The following SLC23A1 variants were observed in gnomAD, a reference collection of about 807,000 sequenced individuals.
The protein encoded by SLC23A1 is Na(+)/L-ascorbic acid transporter 1.
A neutral mutation model predicts 62.5 loss-of-function variants in SLC23A1; 31 were observed. The observed-to-expected ratio is 0.50, with a 90% CI of 0.37 to 0.67. SLC23A1 has a LOEUF of 0.67. Among genes scored for constraint, SLC23A1 ranks in the 30% least tolerant of loss-of-function variants. The pLI is 0.00. For synonymous variants in SLC23A1, 271 were observed against 313.2 expected (o/e 0.87, Z 1.42); for missense variants, 640 against 782.7 (o/e 0.82, Z 2.18).
In SLC23A1 at chr5:139,374,973, G is replaced by A. The variant is rs544457938; in HGVS notation, c.1549+2429C>T. On this transcript the variant is annotated intron_variant, in intron 13 of 14. Transcript: ENST00000348729. Reference sequence around the variant, plus strand: ...ATGTTCAAATAGCCACCCATCCATCGAAGGGACAGCTGCTACCAAGAGCAC... The same window carrying A: ...ATGTTCAAATAGCCACCCATCCATCAAAGGGACAGCTGCTACCAAGAGCAC... Among the ~76,000 whole-genome samples, 17 of 152,250 alleles carry A rather than the reference G, an allele frequency of 1.1e-4. No homozygotes were observed. The East Asian group carries it at 1.4e-3, about 12-fold the overall frequency.
intron 3 of SLC23A1, among the ~76,000 whole-genome samples, chr5:139,381,614 C>CAAAAAA (rs904456829): frequency 1.8e-5 from 1 of 55,700 alleles, no homozygotes; most frequent in Non-Finnish European, 3.4e-5. Flanking sequence ...ACTCCGTCTC[C>CAAAAAA]AAAAAAAAAA....
At chr5:139,383,337 A>G (rs1175394347), upstream of SLC23A1, 35 of 1,565,540 alleles carry the variant, frequency 2.2e-5, no homozygotes, top group Admixed American at 9.3e-5. Context: ...TACTCCACAT[A>G]TCAGGCATTG....
chr5:139,376,472 T>G (rs1396433090), intron 13 of SLC23A1, among the ~76,000 whole-genome samples: 1 of 152,208 alleles, frequency 6.6e-6, no homozygotes, highest in African/African-American at 2.4e-5. Flanking sequence ...TCGGCCGTGA[T>G]GTTTTAATTT....
upstream of SLC23A1, among the ~76,000 whole-genome samples, chr5:139,385,582 A>G (rs1374693085): frequency 3.3e-5 from 5 of 152,260 alleles, no homozygotes; most frequent in South Asian, 2.1e-4. Flanking sequence ...CTCTTTTCTC[A>G]TGAAGGCTCT....
chr5:139,368,341 TAAA>T (rs542780440), intron 14 of SLC23A1, among the ~76,000 whole-genome samples: 1 of 141,300 alleles, frequency 7.1e-6, no homozygotes, highest in African/African-American at 2.6e-5. Flanking sequence ...CTCCGTCTCA[TAAA>T]AAAAAAACTA....
intron 14 of SLC23A1, chr5:139,369,681 C>A (rs890632324): frequency 6.6e-6 from 1 of 152,430 alleles, no homozygotes; most frequent in African/African-American, 2.4e-5. Context: ...TATATTTTTT[C>A]AAAAATATTT....
At chr5:139,371,295 T>C (rs1360639828) in intron 14 of SLC23A1, among the ~76,000 whole-genome samples, 1 of 152,232 alleles carries the variant, frequency 6.6e-6, no homozygotes, top group Non-Finnish European at 1.5e-5. Context: ...TAAGGAGTCA[T>C]CTAGGCTAAC....
At chr5:139,381,360 G>A (rs972157737) in intron 3 of SLC23A1, among the ~76,000 whole-genome samples, 17 of 152,314 alleles carry the variant, frequency 1.1e-4, no homozygotes, top group African/African-American at 3.6e-4. Context: ...TGGGGTTTAA[G>A]AGGGGAGAGC....
chr5:139,373,099 T>G (rs2152064781), intron 13 of SLC23A1, among the ~76,000 whole-genome samples: 1 of 152,288 alleles, frequency 6.6e-6, no homozygotes, highest in Non-Finnish European at 1.5e-5. Context: ...TAATACAAAC[T>G]TCAGAAAGTC....
intron 4 of SLC23A1, 57 bp downstream of exon 4, chr5:139,380,741 C>A (rs953382531): frequency 5.5e-6 from 8 of 1,462,054 alleles, no homozygotes; most frequent in Non-Finnish European, 4.8e-6. Flanking sequence ...GTTGCTCAGA[C>A]CTCCAGGTCT....
rs367976439 is a variant in SLC23A1, at chr5:139,377,379, C to T, written c.1549+23G>A. ...CATGAGTCCAGCCTAGTTCTTCATT[C>T]CCCTCCCAGGACCGAACCATACCTG... On this transcript the variant is annotated intron_variant, in intron 13 of 14. Coordinates refer to ENST00000348729, the MANE Select transcript of SLC23A1 (RefSeq NM_005847.5). 3.7e-5 allele frequency: 50 copies of T among 1,350,180 alleles called. No homozygotes were observed. The Middle Eastern group carries it at 5.4e-4, about 15-fold the overall frequency. The allele number at this position is 1,350,180 out of a possible 1,614,324, so 83.6% of individuals were successfully genotyped here.
intron 13 of SLC23A1, among the ~76,000 whole-genome samples, chr5:139,377,061 G>C (rs925146068): frequency 6.6e-6 from 1 of 152,028 alleles, no homozygotes; most frequent in Non-Finnish European, 1.5e-5. Flanking sequence ...GGAGGTTGCA[G>C]TGAGCTGAGA....
intron 14 of SLC23A1, chr5:139,368,672 G>C (rs1757454969): frequency 8.0e-6 from 9 of 1,123,464 alleles, no homozygotes; most frequent in Non-Finnish European, 8.1e-6. Context: ...TGAGGATCTA[G>C]ATTGAATTAG....
At chr5:139,368,447 T>A (rs961447762) in intron 14 of SLC23A1, among the ~76,000 whole-genome samples, 8 of 152,194 alleles carry the variant, frequency 5.3e-5, no homozygotes, top group Admixed American at 3.9e-4. Context: ...GAGAATCGCT[T>A]GAACCCAGGT....
At chr5:139,384,473 C>T, upstream of SLC23A1, 6 of 1,289,890 alleles carry the variant, frequency 4.7e-6, no homozygotes, top group South Asian at 7.4e-5. Flanking sequence ...CTGCCGGTGT[C>T]CACACTGTTC....
Position 139,378,098 on chromosome 5 carries a change from G to C in SLC23A1, c.1330C>G (p.Leu444Val), listed in dbSNP as rs779869441. 6.2e-7 allele frequency: 1 copy of C among 1,614,104 alleles called. No homozygotes were observed. The highest frequency in any genetic ancestry group is 1.3e-5 in the African/African-American group (1 of 74,960). Residue 444 changes from leucine to valine, a missense_variant, in exon 12 of 15, where the codon CTG becomes GTG. Leu to Val is a conservative substitution (Grantham distance 32). Coordinates refer to ENST00000348729, the MANE Select transcript of SLC23A1 (RefSeq NM_005847.5). The surrounding 1 kb of genome is among the most constrained non-coding windows in gnomAD (Gnocchi z 4.5). ...TLFGMITAVGLSNLQFVDMNS... is the reference protein window; with the variant it reads ...TLFGMITAVGVSNLQFVDMNS... ...ATGTCCACAAATTGCAGGTTGGACA[G>C]CCCCACAGCTGTAATCATGCCTAAG...
In SLC23A1 at chr5:139,378,703, TC is replaced by T; in HGVS notation, c.1074-20del. ...GATGCCCCTGTAAGGAAAGGGAGAG[TC>T]GGGGCTTGGTCCAGCCTCTGCACCA... On this transcript the variant is annotated intron_variant, in intron 9 of 14. Coordinates refer to ENST00000348729, the MANE Select transcript of SLC23A1 (RefSeq NM_005847.5). This position sits in a 1 kb window ranked among gnomAD's most constrained non-coding sequence, Gnocchi z 4.5. The T allele has an allele frequency of 6.4e-7, 1 of 1,561,596 alleles. No homozygotes were observed. The highest frequency in any genetic ancestry group is 1.2e-5 in the South Asian group (1 of 86,632).
rs1013312074 is a variant in SLC23A1, at chr5:139,377,301, A to G, written c.1549+101T>C. 1.6e-5 allele frequency: 12 copies of G among 730,156 alleles called. No homozygotes were observed. The African/African-American group carries it at 1.9e-4, about 12-fold the overall frequency. The allele number at this position is 730,156 out of a possible 1,614,324, so 45.2% of individuals were successfully genotyped here. A position where few individuals can be genotyped will look rare whatever the true frequency, so the allele number is the denominator to read the frequency against. The stretch of plus-strand genomic sequence containing the variant: ...TCCTGATGCTCCCTGCAGGGCCTGC[A>G]TTGCATGGGACCTAACCACACAGCT... On this transcript the variant is annotated intron_variant, in intron 13 of 14. Coordinates refer to ENST00000348729, the MANE Select transcript of SLC23A1 (RefSeq NM_005847.5).
At chr5:139,367,950 T>C (rs868605861) in intron 14 of SLC23A1, among the ~76,000 whole-genome samples, 1 of 152,236 alleles carries the variant, frequency 6.6e-6, no homozygotes, top group Non-Finnish European at 1.5e-5. Flanking sequence ...ACGCCTGTAG[T>C]CCCAGCATTT....
Sources: allele counts gnomAD v4.1 joint callset (sites outside exome capture counted in the v4.1 genomes callset), GRCh38; gene constraint gnomAD v4.1.1; non-coding constraint Gnocchi (gnomAD v3.1); transcripts MANE v1.5; gene names NCBI Gene and HGNC (gene_info 2026-07-23, HGNC 2026-07-21).